Variants in MGAT4C observed in about 807,000 individuals in gnomAD.
MGAT4C encodes MGAT4 family member C.
A neutral mutation model predicts 40.1 loss-of-function variants in MGAT4C; 19 were observed. The observed-to-expected ratio is 0.47, with a 90% CI of 0.33 to 0.70. MGAT4C has a LOEUF of 0.70. Ranked by LOEUF, MGAT4C falls within the 30% of genes least tolerant of loss-of-function variation. The pLI is 0.02. For synonymous variants in MGAT4C, 181 were observed against 187.1 expected (o/e 0.97, Z 0.27); for missense variants, 491 against 563.2 (o/e 0.87, Z 1.30).
intron 4 of MGAT4C, among the ~76,000 whole-genome samples, chr12:86,321,385 C>A (rs1954382195): frequency 1.3e-5 from 2 of 152,112 alleles, no homozygotes; most frequent in African/African-American, 2.4e-5. Flanking sequence ...AGATCATTTA[C>A]ACTTGGATGA....
rs1190179277 is a variant in MGAT4C, at chr12:86,463,587, T to C, written c.-228-28322A>G. On this transcript the variant is annotated intron_variant, in intron 2 of 7. Transcript: ENST00000548651. Reference sequence around the variant, plus strand: ...TGACTTAAAGATCACTTTTTCAGGGTATATCTTCCCTGACATACAAATTAG... The same window carrying C: ...TGACTTAAAGATCACTTTTTCAGGGCATATCTTCCCTGACATACAAATTAG... 4.6e-5 allele frequency among the ~76,000 whole-genome samples: 7 copies of C among 152,286 alleles called. No individual in the cohort carries two copies. In the East Asian group the frequency reaches 1.4e-3, roughly 30 times the overall value.
chr12:86,799,352 C>T (rs1194611016), intron 1 of MGAT4C, among the ~76,000 whole-genome samples: 3 of 151,666 alleles, frequency 2.0e-5, no homozygotes, highest in African/African-American at 4.8e-5. Flanking sequence ...CTGCTTTGAA[C>T]ATTAATAGAA....
At chr12:86,817,163 ATACAC>A (rs1477800699) in intron 1 of MGAT4C, among the ~76,000 whole-genome samples, 1 of 151,114 alleles carries the variant, frequency 6.6e-6, no homozygotes, top group Non-Finnish European at 1.5e-5. Context: ...ATTTTAATTT[ATACAC>A]TACTTTATTC....
chr12:86,195,478 G>C (rs1323841492), intron 1 of MGAT4C, among the ~76,000 whole-genome samples: 1 of 151,958 alleles, frequency 6.6e-6, no homozygotes, highest in Non-Finnish European at 1.5e-5. Context: ...AAAGTCTTTG[G>C]ATACAAGCTT....
At position 86,587,845 on chromosome 12, in the gene MGAT4C, T is replaced by C. The variant is rs1373613887; in HGVS notation, c.-229+139364A>G. ...GTTGCTTATCAGCTTTAGGAGATTT[T>C]GGGCTGAGACAATGGGGTTTTCTAG... On this transcript the variant is annotated intron_variant, in intron 2 of 7. Transcript: ENST00000548651. Among the ~76,000 whole-genome samples the C allele has an allele frequency of 2.0e-5, 3 of 151,382 alleles. No homozygotes were observed. In the South Asian group the frequency reaches 6.3e-4, roughly 32 times the overall value.
At chr12:86,756,801 A>C (rs1257657260) in intron 1 of MGAT4C, among the ~76,000 whole-genome samples, 3 of 152,138 alleles carry the variant, frequency 2.0e-5, no homozygotes, top group Non-Finnish European at 4.4e-5. Flanking sequence ...GTGCAATATA[A>C]GGTCCTTGGT....
intron 2 of MGAT4C, among the ~76,000 whole-genome samples, chr12:86,634,647 T>A (rs1963160252): frequency 6.6e-6 from 1 of 152,098 alleles, no homozygotes; most frequent in Non-Finnish European, 1.5e-5. Context: ...ATCCTGGAGC[T>A]GCTCTCAGCT....
At chr12:86,006,376 A>G (rs1466761012) in intron 2 of MGAT4C, among the ~76,000 whole-genome samples, 1 of 152,154 alleles carries the variant, frequency 6.6e-6, no homozygotes, top group Admixed American at 6.6e-5. Flanking sequence ...TCCCCTCATT[A>G]AATTCCTGAC....
At chr12:86,466,372 G>A (rs913885334) in intron 2 of MGAT4C, among the ~76,000 whole-genome samples, 3 of 152,132 alleles carry the variant, frequency 2.0e-5, no homozygotes, top group African/African-American at 7.2e-5. Context: ...AAATAAATGA[G>A]CTATCAAGTT....
At chr12:86,529,489 A>G (rs1334002880) in intron 2 of MGAT4C, among the ~76,000 whole-genome samples, 2 of 151,932 alleles carry the variant, frequency 1.3e-5, no homozygotes, top group East Asian at 3.9e-4. Flanking sequence ...AGTGGCAGGC[A>G]ATTTTTTTTT....
intron 1 of MGAT4C, among the ~76,000 whole-genome samples, chr12:86,810,975 T>A (rs2136215699): frequency 6.8e-6 from 1 of 146,190 alleles, no homozygotes; most frequent in East Asian, 2.0e-4. Context: ...TCTTCTATTT[T>A]CTAGTTTCTT....
intron 2 of MGAT4C, among the ~76,000 whole-genome samples, chr12:86,653,783 A>G (rs965971127): frequency 1.3e-5 from 2 of 151,924 alleles, no homozygotes; most frequent in Non-Finnish European, 2.9e-5. Flanking sequence ...TATATGCATA[A>G]AACTTATTTG....
intron 2 of MGAT4C, among the ~76,000 whole-genome samples, chr12:86,645,725 T>C (rs1008424038): frequency 4.6e-5 from 7 of 151,806 alleles, no homozygotes; most frequent in Non-Finnish European, 8.8e-5. Flanking sequence ...AGATACTTTC[T>C]ACATTTCATT....
chr12:86,046,591 G>A lies in MGAT4C; in HGVS notation c.-7+3083C>T, dbSNP rs116175160. On this transcript the variant is annotated intron_variant, in intron 2 of 4. Transcript: ENST00000611864. ...TACCAGGTTCAGTGGAATTACCCACGCAACCTATAGACTCATGGGGCAAAC... is the reference window on the plus strand; with the variant it reads ...TACCAGGTTCAGTGGAATTACCCACACAACCTATAGACTCATGGGGCAAAC... Among the ~76,000 whole-genome samples the A allele has an allele frequency of 2.8e-3, 432 of 152,264 alleles. 3 individuals are homozygous for A. Among genetic ancestry groups the A allele is most frequent in the African/African-American group, 9.4e-3 (392 of 41,560 alleles).
At chr12:86,501,605 T>C (rs1208661680) in intron 2 of MGAT4C, among the ~76,000 whole-genome samples, 1 of 151,912 alleles carries the variant, frequency 6.6e-6, no homozygotes, top group Non-Finnish European at 1.5e-5. Flanking sequence ...CTTGGTTTTC[T>C]GTTCCTGCAT....
chr12:86,183,505 C>G (rs952683465), intron 1 of MGAT4C, among the ~76,000 whole-genome samples: 2 of 152,066 alleles, frequency 1.3e-5, no homozygotes, highest in Admixed American at 6.6e-5. Flanking sequence ...GATACAGATA[C>G]AGAACTTAAT....
At position 86,143,054 on chromosome 12, in the gene MGAT4C, C is replaced by G. The variant is rs148451482; in HGVS notation, c.-56-93331G>C. Among the ~76,000 whole-genome samples the G allele has an allele frequency of 5.3e-3, 803 of 152,232 alleles. 6 individuals are homozygous for G. Among genetic ancestry groups the G allele is most frequent in the African/African-American group, 0.018 (765 of 41,534 alleles). On this transcript the variant is annotated intron_variant, in intron 1 of 4. Coordinates refer to ENST00000611864, the MANE Select transcript of MGAT4C (RefSeq NM_001351288.2). ...ATTGTCTATGAGCCAGAAACAGAAC[C>G]CTTACCAGAAACTAAATTTGTTGGC...
At position 86,644,756 on chromosome 12, in the gene MGAT4C, T is replaced by G. The variant is rs1229066046; in HGVS notation, c.-229+82453A>C. ...TATGAATAGCATATAAAAATAAAAT[T>G]TAATTTTATCTATATAATGTAACCA... is the stretch of plus-strand genomic sequence containing the variant. On this transcript the variant is annotated intron_variant, in intron 2 of 7. Coordinates refer to the MGAT4C transcript ENST00000548651. Among the ~76,000 whole-genome samples, 4 of 151,756 alleles carry G rather than the reference T, an allele frequency of 2.6e-5. No individual in the cohort carries two copies. The East Asian group carries it at 7.8e-4, about 30-fold the overall frequency.
chr12:86,618,975 A>G (rs974745202), intron 2 of MGAT4C, among the ~76,000 whole-genome samples: 1 of 151,984 alleles, frequency 6.6e-6, no homozygotes, highest in Non-Finnish European at 1.5e-5. Flanking sequence ...AAATAATTAG[A>G]AAAATAATAA....
Sources: allele counts gnomAD v4.1 joint callset (sites outside exome capture counted in the v4.1 genomes callset), GRCh38; gene constraint gnomAD v4.1.1; transcripts MANE v1.5; gene names NCBI Gene and HGNC (gene_info 2026-07-23, HGNC 2026-07-21).